The following WWOX variants were observed in gnomAD, a reference collection of about 807,000 sequenced individuals.
The protein encoded by WWOX is WW domain containing oxidoreductase, also known as WW domain-containing oxidoreductase.
A neutral mutation model predicts 46.2 loss-of-function variants in WWOX; 69 were observed. The ratio of observed to expected loss-of-function variants is 1.49; its 90% CI spans 1.23 to 1.82. The LOEUF (loss-of-function observed/expected upper bound fraction) is 1.82. Among genes scored for constraint, WWOX ranks in the 40% most tolerant of loss-of-function variants. The probability of loss-of-function intolerance (pLI) is 0.00; values close to 1 mark genes in which losing one functional copy is unlikely to be tolerated. For synonymous variants in WWOX, 359 were observed against 202.6 expected (o/e 1.77, Z -6.56); for missense variants, 919 against 542.6 (o/e 1.69, Z -6.89).
At position 79,072,310 on chromosome 16, in the gene WWOX, T is replaced by A. The variant is rs769888094; in HGVS notation, c.1057-139298T>A. Among the ~76,000 whole-genome samples, 13 of 152,156 alleles carry A rather than the reference T, an allele frequency of 8.5e-5. No individual in the cohort carries two copies. In the East Asian group the frequency reaches 2.5e-3, roughly 30 times the overall value. ...CCAACCCCCCAAAAACAGAAAACAGTATTCCTATCATATGCATTCTCAACT... is the reference window on the plus strand; with the variant it reads ...CCAACCCCCCAAAAACAGAAAACAGAATTCCTATCATATGCATTCTCAACT... On this transcript the variant is annotated intron_variant, in intron 8 of 8. Coordinates refer to ENST00000566780, the MANE Select transcript of WWOX (RefSeq NM_016373.4).
chr16:78,383,418 G>C (rs1443393247), intron 5 of WWOX, among the ~76,000 whole-genome samples: 4 of 152,068 alleles, frequency 2.6e-5, no homozygotes, highest in African/African-American at 4.8e-5. Flanking sequence ...AGAAGATCAT[G>C]AGCTAAACCA....
intron 8 of WWOX, among the ~76,000 whole-genome samples, chr16:78,838,735 C>T (rs575253794): frequency 1.2e-4 from 18 of 152,154 alleles, no homozygotes; most frequent in Admixed American, 7.2e-4. Context: ...CCCAGCAACT[C>T]GGGAGGCTGA....
At chr16:78,663,971 A>C (rs1484944918) in intron 8 of WWOX, among the ~76,000 whole-genome samples, 2 of 152,178 alleles carry the variant, frequency 1.3e-5, no homozygotes, top group Non-Finnish European at 2.9e-5. Flanking sequence ...CCACTGTATG[A>C]CGTCTGGATT....
chr16:78,712,870 G>A (rs544046856), intron 8 of WWOX, among the ~76,000 whole-genome samples: 59 of 152,168 alleles, frequency 3.9e-4, no homozygotes, highest in Middle Eastern at 3.4e-3. Context: ...CCGACTGTGG[G>A]TTCATTTAAT....
intron 8 of WWOX, among the ~76,000 whole-genome samples, chr16:78,510,103 C>G (rs960271390): frequency 2.6e-5 from 4 of 151,602 alleles, no homozygotes; most frequent in African/African-American, 9.7e-5. Context: ...GTCTGTCTCT[C>G]TCGGAAATAT....
intron 8 of WWOX, among the ~76,000 whole-genome samples, chr16:78,514,127 T>C (rs1464198413): frequency 1.3e-5 from 2 of 152,218 alleles, no homozygotes; most frequent in Admixed American, 6.5e-5. Flanking sequence ...AGAAAGACTT[T>C]CTCTATAGAG....
chr16:78,793,101 C>T (rs1332521048), intron 8 of WWOX, among the ~76,000 whole-genome samples: 1 of 152,162 alleles, frequency 6.6e-6, no homozygotes, highest in Non-Finnish European at 1.5e-5. Flanking sequence ...GAGAAAGGCT[C>T]TCACTCTGTT....
chr16:78,334,376 C>A (rs1464163470), intron 5 of WWOX, among the ~76,000 whole-genome samples: 5 of 152,044 alleles, frequency 3.3e-5, no homozygotes, highest in Admixed American at 3.3e-4. Context: ...AAATTATGAA[C>A]CTTGGAACAG....
chr16:78,280,650 CAG>C (rs1167010164), intron 5 of WWOX, among the ~76,000 whole-genome samples: 2 of 134,756 alleles, frequency 1.5e-5, no homozygotes, highest in Non-Finnish European at 3.1e-5. Flanking sequence ...TGGGAAGTGA[CAG>C]AGCGTGGGGT....
intron 4 of WWOX, among the ~76,000 whole-genome samples, chr16:78,162,412 A>T (rs1285546289): frequency 6.6e-6 from 1 of 152,032 alleles, no homozygotes; most frequent in Non-Finnish European, 1.5e-5. Flanking sequence ...CTACACACAC[A>T]TACACACATA....
At chr16:79,130,185 A>G (rs1289110943) in intron 8 of WWOX, among the ~76,000 whole-genome samples, 1 of 152,346 alleles carries the variant, frequency 6.6e-6, no homozygotes, top group East Asian at 1.9e-4. Context: ...TTTCAAACCC[A>G]GAGTGTCTGA....
chr16:79,058,686 T>A (rs1301065370), intron 8 of WWOX, among the ~76,000 whole-genome samples: 2 of 152,228 alleles, frequency 1.3e-5, no homozygotes, highest in Admixed American at 1.3e-4. Flanking sequence ...CTTATTTTGG[T>A]AGAGCTAAAC....
intron 8 of WWOX, among the ~76,000 whole-genome samples, chr16:78,904,791 C>G (rs1371603824): frequency 6.6e-6 from 1 of 152,172 alleles, no homozygotes; most frequent in African/African-American, 2.4e-5. Context: ...TTTGCACCTT[C>G]TTTTTATCAA....
chr16:78,960,073 C>G (rs957770839), intron 8 of WWOX, among the ~76,000 whole-genome samples: 3 of 152,286 alleles, frequency 2.0e-5, no homozygotes, highest in Admixed American at 2.0e-4. Context: ...GACTAAATGG[C>G]TACAGGTCAG....
intron 8 of WWOX, among the ~76,000 whole-genome samples, chr16:78,870,593 T>C (rs1436308144): frequency 6.6e-6 from 1 of 152,088 alleles, no homozygotes; most frequent in Non-Finnish European, 1.5e-5. Context: ...CCCCTACCAA[T>C]GTAATCAGTT....
intron 5 of WWOX, among the ~76,000 whole-genome samples, chr16:78,375,045 C>A (rs1012694014): frequency 2.0e-5 from 3 of 152,164 alleles, no homozygotes; most frequent in Non-Finnish European, 2.9e-5. Context: ...GAGGCAGATA[C>A]CATTTTAAGC....
At chr16:79,066,637 G>A (rs758993843) in intron 8 of WWOX, among the ~76,000 whole-genome samples, 20 of 152,310 alleles carry the variant, frequency 1.3e-4, no homozygotes, top group African/African-American at 2.4e-4. Flanking sequence ...CAATAGAGCC[G>A]GATTAAGCAA....
Position 78,340,251 on chromosome 16 carries a change from C to T in WWOX, c.517-46609C>T, listed in dbSNP as rs1251211926. 1.6e-4 allele frequency among the ~76,000 whole-genome samples: 18 copies of T among 111,266 alleles called. 5 individuals are homozygous for T. Among genetic ancestry groups the T allele is most frequent in the Admixed American group, 1.6e-3 (18 of 11,138 alleles). The allele number at this position is 111,266 out of a possible 152,430, so 73.0% of individuals were successfully genotyped here. A position where few individuals can be genotyped will look rare whatever the true frequency, so the allele number is the denominator to read the frequency against. ...TTACTGTGTCACCTAGGCTGGAGTG[C>T]AGTGGTGTGATCCTGCCTAACTGCA... is the stretch of plus-strand genomic sequence containing the variant. On this transcript the variant is annotated intron_variant, in intron 5 of 8. Coordinates refer to ENST00000566780, the MANE Select transcript of WWOX (RefSeq NM_016373.4).
At chr16:78,588,268 C>T (rs978573531) in intron 8 of WWOX, among the ~76,000 whole-genome samples, 3 of 152,162 alleles carry the variant, frequency 2.0e-5, no homozygotes, top group African/African-American at 4.8e-5. Flanking sequence ...AGTTGGCAAA[C>T]AGAAGGAGAC....
Sources: allele counts gnomAD v4.1 joint callset (sites outside exome capture counted in the v4.1 genomes callset), GRCh38; gene constraint gnomAD v4.1.1; transcripts MANE v1.5; gene names NCBI Gene and HGNC (gene_info 2026-07-23, HGNC 2026-07-21).